The following SPNS3 variants were observed in gnomAD, a reference collection of about 807,000 sequenced individuals.
SPNS3 encodes the protein protein spinster homolog 3.
A neutral mutation model predicts 54.4 loss-of-function variants in SPNS3; 51 were observed. The observed-to-expected ratio is 0.94, with a 90% CI of 0.75 to 1.18. The LOEUF (loss-of-function observed/expected upper bound fraction) is 1.18. Ranked by LOEUF, SPNS3 falls within the 50% of genes most tolerant of loss-of-function variation. The pLI is 0.00. For synonymous variants in SPNS3, 309 were observed against 294.7 expected, an observed-to-expected ratio of 1.05 and a Z score of -0.50; for missense variants, 669 against 677.4, an observed-to-expected ratio of 0.99 and a Z score of 0.14.
At chr17:4,474,723 T>A (rs1034874121) in intron 8 of SPNS3, among the ~76,000 whole-genome samples, 2 of 152,128 alleles carry the variant, frequency 1.3e-5, no homozygotes, top group Admixed American at 6.6e-5. Flanking sequence ...TGTGTGTGTG[T>A]GAGAGCATAA....
intron 8 of SPNS3, among the ~76,000 whole-genome samples, chr17:4,477,226 C>T (rs904596472): frequency 2.6e-5 from 4 of 152,236 alleles, no homozygotes; most frequent in African/African-American, 9.6e-5. Flanking sequence ...CTGAGTTTGT[C>T]TGTGAAATGG....
Position 4,486,158 on chromosome 17 carries a change from G to C in SPNS3, c.1180-70G>C. 7.2e-7 allele frequency: 1 copy of C among 1,386,498 alleles called. No individual in the cohort carries two copies. The highest frequency in any genetic ancestry group is 9.6e-7 in the Non-Finnish European group (1 of 1,046,786). 85.9% of individuals were successfully genotyped at this position (1,386,498 alleles called of 1,614,324 possible). On this transcript the variant is annotated intron_variant, in intron 9 of 11. Coordinates refer to ENST00000355530, the MANE Select transcript of SPNS3 (RefSeq NM_182538.5). The surrounding 1 kb of genome is among the most constrained non-coding windows in gnomAD (Gnocchi z 5.5). ...CTGTCACTCCTCCAGGCAGGTCCTT[G>C]GCAGGTGGGGAACAGCAGGCAAGGG...
intron 8 of SPNS3, among the ~76,000 whole-genome samples, chr17:4,465,464 A>G (rs187318927): frequency 1.9e-4 from 29 of 152,248 alleles, no homozygotes; most frequent in Non-Finnish European, 4.1e-4. Flanking sequence ...GCAGTGGCTC[A>G]TGCTTGTGAT....
At chr17:4,436,650 CAAA>C (rs561297937) in intron 1 of SPNS3, among the ~76,000 whole-genome samples, 8 of 152,266 alleles carry the variant, frequency 5.3e-5, no homozygotes, top group African/African-American at 1.9e-4. Flanking sequence ...ACACATGAAA[CAAA>C]AAACCCCAAA....
At chr17:4,475,692 C>T (rs1049367434) in intron 8 of SPNS3, among the ~76,000 whole-genome samples, 1 of 152,206 alleles carries the variant, frequency 6.6e-6, no homozygotes, top group Non-Finnish European at 1.5e-5. Context: ...GTTTAGGCAG[C>T]TGTTCAGTGT....
rs774365996 is a variant in SPNS3 at position 4,486,385 on chromosome 17, G to C, written c.1279-27G>C. 7.5e-6 allele frequency: 12 copies of C among 1,596,810 alleles called. No individual in the cohort carries two copies. Among genetic ancestry groups the C allele is most frequent in the Non-Finnish European group, 2.6e-6 (3 of 1,170,244 alleles). On this transcript the variant is annotated intron_variant, in intron 10 of 11. Coordinates refer to ENST00000355530, the MANE Select transcript of SPNS3 (RefSeq NM_182538.5). This position sits in a 1 kb window ranked among gnomAD's most constrained non-coding sequence, Gnocchi z 5.5. ...GTCTGGGGGCCAGGCTGGTGGGCCT[G>C]GCAGACTCATCCCTTCTCCTCCGCA...
chr17:4,449,233 A>C lies in SPNS3; in HGVS notation c.771-2A>C, dbSNP rs1306244122. On this transcript the variant is annotated splice_acceptor_variant, in intron 6 of 11. Coordinates refer to ENST00000355530, the MANE Select transcript of SPNS3 (RefSeq NM_182538.5). LOFTEE classifies it high-confidence loss of function. Reference sequence around the variant, plus strand: ...CTCCAGCTGGGGCACCTCGTCTTGCAGCTGGAGTTTCGTGTGGTCGACCCT... The same window carrying C: ...CTCCAGCTGGGGCACCTCGTCTTGCCGCTGGAGTTTCGTGTGGTCGACCCT... 8.7e-6 allele frequency: 14 copies of C among 1,609,790 alleles called. No individual in the cohort carries two copies. The highest frequency in any genetic ancestry group is 3.3e-5 in the South Asian group (3 of 90,870).
intron 8 of SPNS3, among the ~76,000 whole-genome samples, chr17:4,459,669 C>T (rs960165179): frequency 3.3e-5 from 5 of 151,944 alleles, no homozygotes; most frequent in African/African-American, 4.8e-5. Flanking sequence ...GCTGAGATTG[C>T]GCCATTGCAC....
chr17:4,475,096 C>T (rs543729457), intron 8 of SPNS3, among the ~76,000 whole-genome samples: 69 of 152,170 alleles, frequency 4.5e-4, no homozygotes, highest in African/African-American at 1.6e-3. Context: ...TCTCTGTGGC[C>T]GGGGATGACT....
In SPNS3 at chr17:4,478,704, G is replaced by C. The variant is rs769742607; in HGVS notation, c.1179+67G>C. The stretch of plus-strand genomic sequence containing the variant: ...TGGAGAGGATTGGGCCTCTGCTGCT[G>C]AGCAGCTGGGCACTGGCGGCGACAT... On this transcript the variant is annotated intron_variant, in intron 9 of 11. Transcript: ENST00000355530. 364 of 1,497,110 alleles carry C rather than the reference G, an allele frequency of 2.4e-4. 1 individual carries two copies. The highest frequency in any genetic ancestry group is 3.2e-4 in the Non-Finnish European group (355 of 1,097,318). 92.7% of individuals were successfully genotyped at this position (1,497,110 alleles called of 1,614,324 possible). A position where few individuals can be genotyped will look rare whatever the true frequency, so the allele number is the denominator to read the frequency against.
intron 9 of SPNS3, among the ~76,000 whole-genome samples, chr17:4,484,864 C>T (rs1039922720): frequency 2.6e-5 from 4 of 152,008 alleles, no homozygotes; most frequent in Admixed American, 6.6e-5. Flanking sequence ...TTCAGCTAGT[C>T]CCCTCTGTGC....
At chr17:4,478,314 C>T (rs1006615273) in intron 8 of SPNS3, among the ~76,000 whole-genome samples, 6 of 152,054 alleles carry the variant, frequency 3.9e-5, no homozygotes, top group African/African-American at 7.2e-5. Context: ...TGGGAGGAGG[C>T]CTAGCTGCTT....
Position 4,448,157 on chromosome 17 carries a change from C to T in SPNS3, c.624C>T (p.Val208=), listed in dbSNP as rs1971049069. The change falls in exon 6 of 12, where the codon GTC becomes GTT. Residue 208 remains valine, a splice_region_variant and synonymous_variant. Coordinates refer to ENST00000355530, the MANE Select transcript of SPNS3 (RefSeq NM_182538.5). ...TTCCTGGGCCCTCCTGTCCCCAGGT[C>T]ATGCCCTGCCTGGAGGCCGTGGCCT... The part of the protein sequence containing the change: ...LTGNWRWALR[V]MPCLEAVALI... 1 of 1,590,506 alleles carries T rather than the reference C, an allele frequency of 6.3e-7. No individual in the cohort carries two copies. The highest frequency in any genetic ancestry group is 1.4e-5 in the African/African-American group (1 of 73,770).
At position 4,439,665 on chromosome 17, in the gene SPNS3, G is replaced by T. The variant is rs1273066278; in HGVS notation, c.207G>T (p.Leu69=). Residue 69 remains leucine (L), a synonymous_variant, in exon 2 of 12, where the codon CTG becomes CTT. Transcript: ENST00000355530. ...YMNWFIIAGV[L]LDIQEVFQIS... ...CTGTCCCTCTGTCTGCAGGAGTGCT[G>T]CTGGATATACAGGAGGTTTTCCAGA... 6.2e-7 allele frequency: 1 copy of T among 1,613,098 alleles called. No individual in the cohort carries two copies. Among genetic ancestry groups the T allele is most frequent in the Non-Finnish European group, 8.5e-7 (1 of 1,179,642 alleles).
intron 8 of SPNS3, among the ~76,000 whole-genome samples, chr17:4,466,495 G>A (rs1597330314): frequency 1.4e-5 from 2 of 142,532 alleles, no homozygotes; most frequent in Admixed American, 7.3e-5. Flanking sequence ...AGCTGAGATC[G>A]CGCCTTTGCA....
At chr17:4,468,918 A>G (rs1421871392) in intron 8 of SPNS3, among the ~76,000 whole-genome samples, 1 of 150,996 alleles carries the variant, frequency 6.6e-6, no homozygotes, top group Non-Finnish European at 1.5e-5. Context: ...CCTCCCGAGT[A>G]GCTGGGATTA....
intron 6 of SPNS3, among the ~76,000 whole-genome samples, chr17:4,448,597 C>T (rs572249536): frequency 9.6e-4 from 147 of 152,362 alleles, no homozygotes; most frequent in African/African-American, 3.1e-3. Context: ...AGAGCCTCAA[C>T]GTCCTTTGTA....
At chr17:4,484,639 G>T (rs377652770) in intron 9 of SPNS3, among the ~76,000 whole-genome samples, 1 of 152,194 alleles carries the variant, frequency 6.6e-6, no homozygotes, top group East Asian at 1.9e-4. Context: ...TTAACTCAAG[G>T]CCTCAGATCA....
chr17:4,450,762 A>ATTTTTTTTTTTTT (rs11415054), intron 7 of SPNS3, among the ~76,000 whole-genome samples: 1 of 127,204 alleles, frequency 7.9e-6, no homozygotes, highest in Non-Finnish European at 1.6e-5. Flanking sequence ...ATGCCCAGCT[A>ATTTTTTTTTTTTT]TTTTTTTTTT....
Sources: allele counts gnomAD v4.1 joint callset (sites outside exome capture counted in the v4.1 genomes callset), GRCh38; gene constraint gnomAD v4.1.1; non-coding constraint Gnocchi (gnomAD v3.1); transcripts MANE v1.5; gene names NCBI Gene and HGNC (gene_info 2026-07-23, HGNC 2026-07-21).